Variants in AGBL1 observed in about 807,000 individuals in gnomAD.
AGBL1 encodes cytosolic carboxypeptidase 4.
Under a neutral mutation model 118.9 loss-of-function variants are expected in AGBL1, and 130 were observed. The observed-to-expected ratio is 1.09, with a 90% CI of 0.95 to 1.26. The LOEUF is 1.26. AGBL1 is among the 50% of genes most tolerant of loss of function. The probability of loss-of-function intolerance (pLI) is 0.00; values close to 1 mark genes in which losing one functional copy is unlikely to be tolerated. For missense variants in AGBL1, 1,584 were observed against 1,298.1 expected (o/e 1.22, Z -3.38); for synonymous variants, 555 against 478.9 (o/e 1.16, Z -2.08).
At chr15:86,351,757 A>G (rs1482555368) in intron 17 of AGBL1, among the ~76,000 whole-genome samples, 1 of 152,094 alleles carries the variant, frequency 6.6e-6, no homozygotes, top group Non-Finnish European at 1.5e-5. Context: ...GAGACAAGTA[A>G]CTTTGGGATT....
rs1555446759 is a variant in AGBL1, at chr15:86,753,397, CTTTTT to C, written c.3158+78975_3158+78979del. ...CAAGGCTTTCTTTCTTTTTCTTTTTCTTTTTTTTTTTTTTTTTTGAGACAGAGTCT... is the reference window on the plus strand; with the variant it reads ...CAAGGCTTTCTTTCTTTTTCTTTTTCTTTTTTTTTTTTTGAGACAGAGTCT... On this transcript the variant is annotated intron_variant, in intron 22 of 22. Coordinates refer to ENST00000614907, the MANE Select transcript of AGBL1 (RefSeq NM_001386094.1). Among the ~76,000 whole-genome samples the C allele has an allele frequency of 8.1e-5, 9 of 111,294 alleles. 1 individual carries two copies. Among genetic ancestry groups the C allele is most frequent in the South Asian group, 3.1e-4 (1 of 3,210 alleles). The allele number at this position is 111,294 out of a possible 152,430, so 73.0% of individuals were successfully genotyped here. A position where few individuals can be genotyped will look rare whatever the true frequency, so the allele number is the denominator to read the frequency against.
chr15:86,657,463 A>G lies in AGBL1; in HGVS notation c.2995-16810A>G, dbSNP rs1039661417. On this transcript the variant is annotated intron_variant, in intron 21 of 22. Transcript: ENST00000614907. ...CACTGTGTGTGGGTAAAGCTATTAG[A>G]TGCAGAAAATACTCTGTGTGTGTTT... is the stretch of plus-strand genomic sequence containing the variant. Among the ~76,000 whole-genome samples, 13 of 152,312 alleles carry G rather than the reference A, an allele frequency of 8.5e-5. No individual in the cohort carries two copies. The South Asian group carries it at 2.7e-3, about 32-fold the overall frequency.
chr15:86,301,829 A>G (rs1325361663), intron 17 of AGBL1, among the ~76,000 whole-genome samples: 1 of 152,116 alleles, frequency 6.6e-6, no homozygotes, highest in Non-Finnish European at 1.5e-5. Context: ...TCACCTGTAT[A>G]AACTCCACGT....
At chr15:86,228,818 C>G (rs183443568) in intron 6 of AGBL1, among the ~76,000 whole-genome samples, 5 of 152,310 alleles carry the variant, frequency 3.3e-5, no homozygotes, top group African/African-American at 1.2e-4. Flanking sequence ...TCTTTCTGGG[C>G]AATAGCAGGC....
At chr15:86,797,997 A>C (rs2078596991) in intron 22 of AGBL1, among the ~76,000 whole-genome samples, 1 of 152,212 alleles carries the variant, frequency 6.6e-6, no homozygotes, top group Non-Finnish European at 1.5e-5. Flanking sequence ...AGGTTCATGC[A>C]GCTAAAGCTT....
In AGBL1 at chr15:86,319,564, A is replaced by G. The variant is rs139722449; in HGVS notation, c.2374+24156A>G. On this transcript the variant is annotated intron_variant, in intron 17 of 22. Transcript: ENST00000614907. ...TTCTGGCCACTGAGGTGTAATACCA[A>G]TTCTGACGTAAATCATGTTTTTATA... 4.1e-3 allele frequency among the ~76,000 whole-genome samples: 630 copies of G among 152,024 alleles called. 6 individuals are homozygous for G. The highest frequency in any genetic ancestry group is 0.014 in the African/African-American group (588 of 41,458).
intron 21 of AGBL1, among the ~76,000 whole-genome samples, chr15:86,580,259 G>T (rs1213315121): frequency 6.6e-6 from 1 of 152,092 alleles, no homozygotes; most frequent in Non-Finnish European, 1.5e-5. Context: ...CCAAAATTCT[G>T]ACTATAGTTT....
intron 17 of AGBL1, among the ~76,000 whole-genome samples, chr15:86,337,782 A>G (rs2080396188): frequency 6.6e-6 from 1 of 152,222 alleles, no homozygotes. Context: ...TGATAGGTTG[A>G]TAAGTGCAGC....
At chr15:86,835,024 T>G (rs889182889) in intron 22 of AGBL1, among the ~76,000 whole-genome samples, 6 of 152,152 alleles carry the variant, frequency 3.9e-5, no homozygotes, top group African/African-American at 1.2e-4. Context: ...GTGAACAGTT[T>G]AGTAAGGTAC....
intron 1 of AGBL1, among the ~76,000 whole-genome samples, chr15:86,096,821 G>C (rs1049305663): frequency 1.3e-5 from 2 of 152,142 alleles, no homozygotes; most frequent in African/African-American, 4.8e-5. Context: ...CTATGTCCCA[G>C]CTTCCCCTCC....
At chr15:86,726,257 A>G (rs898895808) in intron 22 of AGBL1, among the ~76,000 whole-genome samples, 5 of 152,184 alleles carry the variant, frequency 3.3e-5, no homozygotes, top group African/African-American at 1.2e-4. Flanking sequence ...TTTCTGGTCC[A>G]TAGTTCAGTG....
chr15:86,312,731 G>A (rs1315035236), intron 17 of AGBL1, among the ~76,000 whole-genome samples: 1 of 152,142 alleles, frequency 6.6e-6, no homozygotes, highest in Non-Finnish European at 1.5e-5. Context: ...AACATGTAGT[G>A]ATGCACATCC....
chr15:86,969,132 A>C (rs2081082692), intron 23 of AGBL1, among the ~76,000 whole-genome samples: 1 of 151,990 alleles, frequency 6.6e-6, no homozygotes, highest in Non-Finnish European at 1.5e-5. Context: ...AAAAGTATTC[A>C]CTTGTTCTAG....
intron 22 of AGBL1, among the ~76,000 whole-genome samples, chr15:86,784,017 G>A (rs2078372121): frequency 6.6e-6 from 1 of 152,186 alleles, no homozygotes; most frequent in Admixed American, 6.5e-5. Context: ...TTTGAGGTCA[G>A]AGTGACGTGA....
At chr15:86,885,313 A>G (rs2079954666) in intron 22 of AGBL1, among the ~76,000 whole-genome samples, 1 of 152,134 alleles carries the variant, frequency 6.6e-6, no homozygotes, top group Non-Finnish European at 1.5e-5. Flanking sequence ...ATAAATTCAA[A>G]TTTGTTTATC....
chr15:86,425,549 C>T (rs1468314870), intron 18 of AGBL1, among the ~76,000 whole-genome samples: 1 of 151,846 alleles, frequency 6.6e-6, no homozygotes, highest in Non-Finnish European at 1.5e-5. Flanking sequence ...TAAAAAAACC[C>T]AGCAAAATTC....
intron 16 of AGBL1, among the ~76,000 whole-genome samples, chr15:86,293,752 A>G (rs1319965485): frequency 6.6e-6 from 1 of 152,026 alleles, no homozygotes; most frequent in Admixed American, 6.6e-5. Context: ...CCCTTTCCAT[A>G]TATTTTATAT....
chr15:86,734,575 C>A (rs1299837033), intron 22 of AGBL1, among the ~76,000 whole-genome samples: 1 of 152,154 alleles, frequency 6.6e-6, no homozygotes, highest in Non-Finnish European at 1.5e-5. Flanking sequence ...ATACATCCTT[C>A]ATGCTGGTTC....
At chr15:86,708,988 G>C (rs547139940) in intron 22 of AGBL1, among the ~76,000 whole-genome samples, 2 of 152,188 alleles carry the variant, frequency 1.3e-5, no homozygotes, top group Non-Finnish European at 2.9e-5. Flanking sequence ...GCTTTTTAAG[G>C]TGTGTTCAAA....
Sources: allele counts gnomAD v4.1 joint callset (sites outside exome capture counted in the v4.1 genomes callset), GRCh38; gene constraint gnomAD v4.1.1; transcripts MANE v1.5; gene names NCBI Gene and HGNC (gene_info 2026-07-23, HGNC 2026-07-21).